The following DCST1 variants were observed in gnomAD, a reference collection of about 807,000 sequenced individuals.
The protein encoded by DCST1 is DC-STAMP domain containing 1.
A neutral mutation model predicts 89.1 loss-of-function variants in DCST1; 78 were observed. The ratio of observed to expected loss-of-function variants is 0.88; its 90% CI spans 0.73 to 1.06. The LOEUF is 1.06. DCST1 is among the 50% of genes least tolerant of loss of function. The pLI, the probability that DCST1 is intolerant of heterozygous loss-of-function variation, is 0.00. For missense variants in DCST1, 900 were observed against 928.6 expected (o/e 0.97, Z 0.40); for synonymous variants, 364 against 371.9 (o/e 0.98, Z 0.24).
chr1:155,046,402 G>T lies in DCST1; in HGVS notation c.1411G>T (p.Val471Leu). The T allele has an allele frequency of 6.2e-7, 1 of 1,614,040 alleles. No homozygotes were observed. The highest frequency in any genetic ancestry group is 8.5e-7 in the Non-Finnish European group (1 of 1,180,006). The change falls in exon 13 of 17, where the codon GTG (valine) becomes TTG (leucine). Residue 471 changes from valine (V) to leucine (L), a missense_variant. Val to Leu is a conservative substitution (Grantham distance 32, BLOSUM62 1). Coordinates refer to ENST00000295542, the MANE Select transcript of DCST1 (RefSeq NM_152494.4). ...LETLPILLLL[V>L]VLCGLDWALY... ...GACACTGCCCATTCTGCTGCTGCTGGTGGTGCTGTGTGGCTTGGACTGGGC... is the reference window on the plus strand; with the variant it reads ...GACACTGCCCATTCTGCTGCTGCTGTTGGTGCTGTGTGGCTTGGACTGGGC...
chr1:155,034,350 TCTATC>T, intron 2 of DCST1, 80 bp from the exon 3 acceptor site: 1 of 1,609,198 alleles, frequency 6.2e-7, no homozygotes, highest in Non-Finnish European at 8.5e-7. Flanking sequence ...TTCCCCAGCC[TCTATC>T]CACCTGCAAG....
chr1:155,046,598 C>CTTTT (rs1207452562), intron 13 of DCST1, 112 bp downstream of exon 13: 6 of 415,806 alleles, frequency 1.4e-5, no homozygotes, highest in African/African-American at 2.1e-4. Context: ...GTCCTTCTGC[C>CTTTT]TCTTTTTTTT....
intron 10 of DCST1, chr1:155,045,124 C>T (rs542131360): frequency 6.6e-6 from 1 of 152,276 alleles, no homozygotes; most frequent in Non-Finnish European, 1.5e-5. Flanking sequence ...TTTGCACTTA[C>T]AGTAGTTTTA....
intron 4 of DCST1, among the ~76,000 whole-genome samples, chr1:155,036,058 A>G (rs894797723): frequency 1.3e-5 from 2 of 150,796 alleles, no homozygotes; most frequent in Admixed American, 1.3e-4. Context: ...AAAAAAAAAA[A>G]AAAAAAAAAA....
At chr1:155,040,735 G>T (rs1571561966) in intron 6 of DCST1, 111 bp downstream of exon 6, 2 of 1,424,446 alleles carry the variant, frequency 1.4e-6, no homozygotes, top group East Asian at 5.1e-5. Flanking sequence ...GGATACTACT[G>T]GCATTTTTTG....
Position 155,043,399 on chromosome 1 carries a change from C to T in DCST1, c.1062C>T (p.Arg354=), listed in dbSNP as rs371321788. The T allele has an allele frequency of 5.0e-5, 80 of 1,613,970 alleles. No homozygotes were observed. In the Middle Eastern group the frequency reaches 2.2e-3, roughly 43 times the overall value. The change falls in exon 10 of 17, where the codon CGC becomes CGT. Residue 354 remains arginine, a synonymous_variant. Coordinates refer to ENST00000295542, the MANE Select transcript of DCST1 (RefSeq NM_152494.4). ...TGGGGCTCAACACAAGCTGGGAGCG[C>T]GTGAGCACCGAGGTGCGGGACTACG... The part of the protein sequence containing the change: ...GVLGLNTSWE[R]VSTEVRDYVY...
chr1:155,044,099 G>A (rs1660526772), intron 10 of DCST1, among the ~76,000 whole-genome samples: 1 of 152,192 alleles, frequency 6.6e-6, no homozygotes, highest in Non-Finnish European at 1.5e-5. Context: ...CTATGTGGGG[G>A]GCCTAGAGTG....
In DCST1 at chr1:155,049,237, G is replaced by T. The variant is rs1274631652; in HGVS notation, c.1869+1067G>T. 5 of 580,132 alleles carry T rather than the reference G, an allele frequency of 8.6e-6. 1 individual carries two copies. The highest frequency in any genetic ancestry group is 1.3e-5 in the Non-Finnish European group (4 of 318,138). 35.9% of individuals were successfully genotyped at this position (580,132 alleles called of 1,614,324 possible). ...AAAATGGGGTTAACTACTCCATCTG[G>T]TTGTTTTAAGGATTAAATGAGTTGT... On this transcript the variant is annotated intron_variant, in intron 16 of 16. Coordinates refer to ENST00000295542, the MANE Select transcript of DCST1 (RefSeq NM_152494.4).
intron 10 of DCST1, chr1:155,045,615 G>T: frequency 2.1e-6 from 1 of 472,478 alleles, no homozygotes; most frequent in Non-Finnish European, 3.9e-6. Flanking sequence ...TCCCAGACAG[G>T]CTGACCATGC....
chr1:155,040,625 G>C lies in DCST1; in HGVS notation c.531+1G>C. 4.5e-6 allele frequency: 7 copies of C among 1,570,468 alleles called. No individual in the cohort carries two copies. The highest frequency in any genetic ancestry group is 2.1e-4 in the Middle Eastern group (1 of 4,718). Reference sequence around the variant, plus strand: ...ACGGGCCATGTTCAAGGACCTGCTGGTCAGGAATCTGCACAGGCAGAGCCT... The same window carrying C: ...ACGGGCCATGTTCAAGGACCTGCTGCTCAGGAATCTGCACAGGCAGAGCCT... On this transcript the variant is annotated splice_donor_variant, in intron 6 of 16. Coordinates refer to ENST00000295542, the MANE Select transcript of DCST1 (RefSeq NM_152494.4). LOFTEE classifies it high-confidence loss of function.
At chr1:155,034,127 CT>C in intron 2 of DCST1, 30 bp downstream of exon 2, 3 of 1,613,190 alleles carry the variant, frequency 1.9e-6, no homozygotes, top group Non-Finnish European at 2.5e-6. Flanking sequence ...CCCAGTATCC[CT>C]TGACCTCCAC....
At chr1:155,050,044 A>G (rs778213496) in intron 16 of DCST1, among the ~76,000 whole-genome samples, 2 of 152,246 alleles carry the variant, frequency 1.3e-5, no homozygotes, top group Middle Eastern at 3.2e-3. Flanking sequence ...GCCAAGCCCA[A>G]GAGTTCTGCC....
rs144706247 is a variant in DCST1, at chr1:155,040,601, C to G, written c.508C>G (p.Arg170Gly). The G allele has an allele frequency of 1.9e-6, 3 of 1,581,422 alleles. No homozygotes were observed. The highest frequency in any genetic ancestry group is 2.6e-6 in the Non-Finnish European group (3 of 1,163,152). Residue 170 changes from arginine (R) to glycine (G), a missense_variant, in exon 6 of 17, where the codon CGG (arginine) becomes GGG (glycine). Physicochemically the swap from Arg to Gly is moderately radical, Grantham distance 125. Coordinates refer to ENST00000295542, the MANE Select transcript of DCST1 (RefSeq NM_152494.4). ...TTGGCGCATCTCCACAGCCCCCTTACGGGCCATGTTCAAGGACCTGCTGGT... is the reference window on the plus strand; with the variant it reads ...TTGGCGCATCTCCACAGCCCCCTTAGGGGCCATGTTCAAGGACCTGCTGGT... ...AAWRISTAPL[R>G]AMFKDLLSSK...
At chr1:155,048,304 T>C (rs566956487) in intron 16 of DCST1, 134 bp downstream of exon 16, 1 of 706,932 alleles carries the variant, frequency 1.4e-6, no homozygotes, top group African/African-American at 1.8e-5. Context: ...GTTCTTTTTA[T>C]TTTTTGAGAT....
chr1:155,046,441 T>A lies in DCST1; in HGVS notation c.1450T>A (p.Phe484Ile). Residue 484 changes from phenylalanine (F) to isoleucine (I), a missense_variant, in exon 13 of 17, where the codon TTC becomes ATC. Transcript: ENST00000295542. Reference protein sequence around the residue: ...CGLDWALYSIFDTIRHHSFLQ... With the variant: ...CGLDWALYSIIDTIRHHSFLQ... ...CTTGGACTGGGCTCTCTACTCCATC[T>A]TCGACACCATCCGCCACCACTCCTT... is the stretch of plus-strand genomic sequence containing the variant. 1.2e-6 allele frequency: 2 copies of A among 1,613,952 alleles called. No individual in the cohort carries two copies. Among genetic ancestry groups the A allele is most frequent in the Non-Finnish European group, 1.7e-6 (2 of 1,180,000 alleles).
chr1:155,038,023 C>T (rs185316420), intron 4 of DCST1, among the ~76,000 whole-genome samples: 1 of 152,230 alleles, frequency 6.6e-6, no homozygotes, highest in Non-Finnish European at 1.5e-5. Context: ...TGCAAAAAAC[C>T]CAAGTTGTGT....
At chr1:155,035,594 T>C (rs912900040) in intron 4 of DCST1, among the ~76,000 whole-genome samples, 1 of 152,088 alleles carries the variant, frequency 6.6e-6, no homozygotes, top group Non-Finnish European at 1.5e-5. Context: ...TGGCATCACA[T>C]CTTCATACAA....
At position 155,050,666 on chromosome 1, in the gene DCST1, G is replaced by T; in HGVS notation, c.1919G>T (p.Arg640Leu). ...ILHRGCPLLR[R>L]WLCRRCVVCQ... ...CACCGCGGCTGCCCGCTCCTGCGCC[G>T]CTGGCTGTGCCGGCGCTGCGTGGTG... The change falls in exon 17 of 17, where the codon CGC becomes CTC. Residue 640 changes from arginine (R) to leucine (L), a missense_variant. By Grantham distance (102) the Arg-to-Leu change is moderately radical (BLOSUM62 -2). Coordinates refer to ENST00000295542, the MANE Select transcript of DCST1 (RefSeq NM_152494.4). 1 of 1,600,398 alleles carries T rather than the reference G, an allele frequency of 6.2e-7. No homozygotes were observed. The highest frequency in any genetic ancestry group is 8.5e-7 in the Non-Finnish European group (1 of 1,175,868).
chr1:155,038,671 C>G (rs1660342195), intron 4 of DCST1, among the ~76,000 whole-genome samples: 1 of 152,232 alleles, frequency 6.6e-6, no homozygotes, highest in Non-Finnish European at 1.5e-5. Context: ...ACTCACCTTC[C>G]AGGCCCAGCT....
Sources: gnomAD v4.1 joint callset for allele counts (sites outside exome capture counted in the v4.1 genomes callset) on GRCh38, gnomAD v4.1.1 for gene constraint, MANE v1.5 for transcripts, NCBI Gene and HGNC (gene_info 2026-07-23, HGNC 2026-07-21) for gene names.